ZNF148: variants seen among roughly 807,000 people sequenced by gnomAD.
ZNF148 encodes the protein zinc finger protein 148.
ZNF148 carries 7 observed loss-of-function variants against 67.7 expected under a neutral mutation model. The ratio of observed to expected loss-of-function variants is 0.10; its 90% confidence interval spans 0.06 to 0.19. The LOEUF is 0.19. Ranked by LOEUF, ZNF148 falls within the 10% of genes least tolerant of loss-of-function variation. The probability of loss-of-function intolerance (pLI) is 1.00; values close to 1 mark genes in which losing one functional copy is unlikely to be tolerated. For synonymous variants in ZNF148, 333 were observed against 330.7 expected (o/e 1.01, Z -0.08); for missense variants, 583 against 947.1 (o/e 0.62, Z 5.05).
At chr3:125,343,023 G>A (rs1006450070) in intron 1 of ZNF148, among the ~76,000 whole-genome samples, 1 of 152,302 alleles carries the variant, frequency 6.6e-6, no homozygotes, top group South Asian at 2.1e-4. Flanking sequence ...AATCTGCAAG[G>A]AGACAGGAAA....
intron 7 of ZNF148, among the ~76,000 whole-genome samples, chr3:125,260,336 A>G (rs1287641047): frequency 6.6e-6 from 1 of 152,202 alleles, no homozygotes; most frequent in Admixed American, 6.5e-5. Flanking sequence ...AAAGTGTAGT[A>G]AAGTGAAGTG....
At chr3:125,339,123 C>G (rs1191953160) in intron 1 of ZNF148, among the ~76,000 whole-genome samples, 1 of 152,150 alleles carries the variant, frequency 6.6e-6, no homozygotes, top group Non-Finnish European at 1.5e-5. Flanking sequence ...AGTGATCCTC[C>G]CACCTCAGCC....
At chr3:125,235,464 T>C (rs1397740952) in intron 7 of ZNF148, among the ~76,000 whole-genome samples, 1 of 152,176 alleles carries the variant, frequency 6.6e-6, no homozygotes, top group Non-Finnish European at 1.5e-5. Flanking sequence ...ATGTCCACCT[T>C]TGGGTGTTCA....
chr3:125,258,483 CA>C (rs908529313), intron 7 of ZNF148, among the ~76,000 whole-genome samples: 1 of 147,624 alleles, frequency 6.8e-6, no homozygotes, highest in Non-Finnish European at 1.5e-5. Context: ...AGGCTGGGCT[CA>C]AACTCCTGGG....
intron 7 of ZNF148, among the ~76,000 whole-genome samples, chr3:125,263,660 T>C (rs1468254511): frequency 6.6e-6 from 1 of 152,146 alleles, no homozygotes; most frequent in Non-Finnish European, 1.5e-5. Context: ...CATCTTTTGT[T>C]CTAATATTTG....
At chr3:125,323,748 C>T (rs1270805615) in intron 2 of ZNF148, among the ~76,000 whole-genome samples, 1 of 152,084 alleles carries the variant, frequency 6.6e-6, no homozygotes, top group Non-Finnish European at 1.5e-5. Context: ...ATCACGAGGT[C>T]AGGAGATTGA....
At chr3:125,359,129 A>ATGGTACAG (rs1387353391) in intron 1 of ZNF148, among the ~76,000 whole-genome samples, 1 of 152,226 alleles carries the variant, frequency 6.6e-6, no homozygotes, top group Non-Finnish European at 1.5e-5. Flanking sequence ...CTGCTACATG[A>ATGGTACAG]TGGTACAGCC....
chr3:125,233,641 G>C lies in ZNF148; in HGVS notation c.1085C>G (p.Ala362Gly). ...ATGTGGCATTTCAACAGCATATTCT[G>C]CAACCATATACTCATCTTTTACTTT... The part of the protein sequence containing the change: ...STKVKDEYMV[A>G]EYAVEMPHSS... Residue 362 changes from alanine (A) to glycine (G), a missense_variant, in exon 9 of 9, where the codon GCA becomes GGA. Ala to Gly is a moderately conservative substitution (Grantham distance 60, BLOSUM62 0). Coordinates refer to ENST00000360647, the MANE Select transcript of ZNF148 (RefSeq NM_021964.3). The surrounding 1 kb of genome is among the most constrained non-coding windows in gnomAD (Gnocchi z 5.1). 6.2e-7 allele frequency: 1 copy of C among 1,613,964 alleles called. No homozygotes were observed. Among genetic ancestry groups the C allele is most frequent in the Non-Finnish European group, 8.5e-7 (1 of 1,179,926 alleles).
intron 7 of ZNF148, among the ~76,000 whole-genome samples, chr3:125,273,668 A>AT (rs937864536): frequency 6.6e-6 from 1 of 151,834 alleles, no homozygotes; most frequent in Non-Finnish European, 1.5e-5. Context: ...TAATTTTTGT[A>AT]TTTTTAGTAG....
At chr3:125,324,747 T>C (rs930230832) in intron 2 of ZNF148, among the ~76,000 whole-genome samples, 2 of 152,240 alleles carry the variant, frequency 1.3e-5, no homozygotes, top group Admixed American at 6.5e-5. Context: ...TACATCCATA[T>C]CACTAATGAT....
chr3:125,285,059 GT>G (rs1485335853), intron 5 of ZNF148, among the ~76,000 whole-genome samples: 5 of 152,170 alleles, frequency 3.3e-5, no homozygotes, highest in African/African-American at 1.2e-4. Context: ...AAGCTCTGAT[GT>G]TTTTACTAAA....
chr3:125,292,825 G>A (rs996440690), intron 4 of ZNF148: 1 of 152,088 alleles, frequency 6.6e-6, no homozygotes, highest in Non-Finnish European at 1.5e-5. Context: ...AATAGTAGCT[G>A]CTTTTTAAAA....
chr3:125,357,973 C>CT (rs1942415949), intron 1 of ZNF148, among the ~76,000 whole-genome samples: 1 of 152,126 alleles, frequency 6.6e-6, no homozygotes, highest in Non-Finnish European at 1.5e-5. Context: ...GAAATCTTCT[C>CT]TAAACCATCT....
At chr3:125,249,617 A>C (rs1936750090) in intron 7 of ZNF148, among the ~76,000 whole-genome samples, 1 of 152,072 alleles carries the variant, frequency 6.6e-6, no homozygotes, top group South Asian at 2.1e-4. Context: ...GGAGGTTCCT[A>C]AAAAAACAAA....
At chr3:125,341,141 A>G (rs1341219425) in intron 1 of ZNF148, among the ~76,000 whole-genome samples, 3 of 151,828 alleles carry the variant, frequency 2.0e-5, no homozygotes, top group African/African-American at 7.2e-5. Flanking sequence ...CAAAAGTTTC[A>G]ACAATATATT....
chr3:125,266,373 A>C (rs1159846140), intron 7 of ZNF148, among the ~76,000 whole-genome samples: 1 of 152,154 alleles, frequency 6.6e-6, no homozygotes, highest in Admixed American at 6.5e-5. Flanking sequence ...TACCAAGCAC[A>C]TTCTCAGACC....
rs1026978316 is a variant in ZNF148, at chr3:125,229,696, A to G, written c.*2645T>C. 6.6e-6 allele frequency: 1 copy of G among 152,122 alleles called. No individual in the cohort carries two copies. The highest frequency in any genetic ancestry group is 1.5e-5 in the Non-Finnish European group (1 of 68,008). 9.4% of individuals were successfully genotyped at this position (152,122 alleles called of 1,614,324 possible). A position where few individuals can be genotyped will look rare whatever the true frequency, so the allele number is the denominator to read the frequency against. ...ATGTGCTCACTTTGAGAAATGAGAAACATGAATTGCAGAAGAATATCTCAT... is the reference window on the plus strand; with the variant it reads ...ATGTGCTCACTTTGAGAAATGAGAAGCATGAATTGCAGAAGAATATCTCAT... On this transcript the variant is annotated 3_prime_UTR_variant, in exon 9 of 9. Transcript: ENST00000360647.
chr3:125,373,601 T>C (rs760770416), intron 1 of ZNF148, among the ~76,000 whole-genome samples: 1 of 152,138 alleles, frequency 6.6e-6, no homozygotes, highest in African/African-American at 2.4e-5. Context: ...CTAGACCTTC[T>C]GATAACTAGT....
chr3:125,233,859 G>A lies in ZNF148; in HGVS notation c.867C>T (p.Ala289=). The change falls in exon 9 of 9, where the codon GCC becomes GCT. Residue 289 remains alanine, a synonymous_variant. Coordinates refer to ENST00000360647, the MANE Select transcript of ZNF148 (RefSeq NM_021964.3). This position sits in a 1 kb window ranked among gnomAD's most constrained non-coding sequence, Gnocchi z 5.1. ...ENHDKKLNRC[A]IKGGLLTSEE... ...CAGATGTCAGAAGGCCACCTTTGAT[G>A]GCACATCTATTTAGTTTTTTGTCAT... is the stretch of plus-strand genomic sequence containing the variant. 1 of 1,613,292 alleles carries A rather than the reference G, an allele frequency of 6.2e-7. No individual in the cohort carries two copies. The highest frequency in any genetic ancestry group is 8.5e-7 in the Non-Finnish European group (1 of 1,179,792).
Sources: allele counts gnomAD v4.1 joint callset (sites outside exome capture counted in the v4.1 genomes callset), GRCh38; gene constraint gnomAD v4.1.1; non-coding constraint Gnocchi (gnomAD v3.1); transcripts MANE v1.5; gene names NCBI Gene and HGNC (gene_info 2026-07-23, HGNC 2026-07-21).